The following LYPD6B variants were observed in gnomAD, a reference collection of about 807,000 sequenced individuals.
The protein encoded by LYPD6B is ly6/PLAUR domain-containing protein 6B.
A neutral mutation model predicts 22.8 loss-of-function variants in LYPD6B; 17 were observed. That is an observed-to-expected ratio of 0.75 (90% CI 0.51 to 1.12). The LOEUF is 1.12. LYPD6B is among the 50% of genes most tolerant of loss of function. LYPD6B has a pLI of 0.00. For missense variants in LYPD6B, 221 were observed against 258.3 expected (o/e 0.86, Z 0.99); for synonymous variants, 106 against 91.6 (o/e 1.16, Z -0.90).
At chr2:149,201,654 A>C (rs908436838) in intron 3 of LYPD6B, among the ~76,000 whole-genome samples, 3 of 152,206 alleles carry the variant, frequency 2.0e-5, no homozygotes, top group Non-Finnish European at 4.4e-5. Context: ...GTAGATGGTA[A>C]TAGATTAGAA....
At chr2:149,114,904 A>G (rs1323720877) in intron 1 of LYPD6B, among the ~76,000 whole-genome samples, 1 of 152,190 alleles carries the variant, frequency 6.6e-6, no homozygotes, top group Non-Finnish European at 1.5e-5. Flanking sequence ...AAGAAAGCTC[A>G]TAAAGCTGGA....
At chr2:149,117,236 A>G (rs1403431416) in intron 1 of LYPD6B, among the ~76,000 whole-genome samples, 2 of 151,370 alleles carry the variant, frequency 1.3e-5, no homozygotes, top group East Asian at 3.9e-4. Context: ...TTCATAGACA[A>G]TGTACATTTT....
chr2:149,069,535 A>T (rs1382664378), intron 1 of LYPD6B, among the ~76,000 whole-genome samples: 1 of 152,182 alleles, frequency 6.6e-6, no homozygotes, highest in East Asian at 1.9e-4. Context: ...ATTTTGGCTG[A>T]TAGCATCTTA....
chr2:149,174,379 T>C (rs10930572), intron 3 of LYPD6B, among the ~76,000 whole-genome samples: 46,974 of 152,118 alleles, frequency 0.31, 9,100 homozygotes, highest in East Asian at 0.56. Context: ...ATTTATTTCT[T>C]TCTCTTGCCT....
intron 1 of LYPD6B, among the ~76,000 whole-genome samples, chr2:149,099,076 C>T (rs1039514397): frequency 1.3e-5 from 2 of 152,110 alleles, no homozygotes; most frequent in South Asian, 2.1e-4. Flanking sequence ...GCAAAATAAA[C>T]AAGCTTTGCT....
intron 1 of LYPD6B, among the ~76,000 whole-genome samples, chr2:149,123,875 A>G (rs1379198819): frequency 6.6e-6 from 1 of 152,210 alleles, no homozygotes; most frequent in African/African-American, 2.4e-5. Context: ...ACATACATAA[A>G]TAATAATTTA....
chr2:149,205,247 C>T lies in LYPD6B; in HGVS notation c.78-6C>T. 3 of 1,600,482 alleles carry T rather than the reference C, an allele frequency of 1.9e-6. No homozygotes were observed. The highest frequency in any genetic ancestry group is 2.6e-6 in the Non-Finnish European group (3 of 1,176,118). ...GAAACTGAACCAGTGTGTCTTTTCA[C>T]CATAGATATAAGAGTTCGGACCGCC... On this transcript the variant is annotated splice_region_variant and splice_polypyrimidine_tract_variant and intron_variant, in intron 3 of 6. Transcript: ENST00000409642.
intron 1 of LYPD6B, among the ~76,000 whole-genome samples, chr2:149,043,053 C>T (rs1574861305): frequency 6.6e-6 from 1 of 152,184 alleles, no homozygotes; most frequent in Middle Eastern, 3.4e-3. Context: ...AAATAAGGGT[C>T]ATTTCTTTCA....
chr2:149,044,732 G>A (rs574774665), intron 1 of LYPD6B, among the ~76,000 whole-genome samples: 1 of 152,130 alleles, frequency 6.6e-6, no homozygotes, highest in African/African-American at 2.4e-5. Flanking sequence ...TATGATGTTA[G>A]TTGAGGTTTC....
At chr2:149,048,178 A>AT (rs1023471322) in intron 1 of LYPD6B, among the ~76,000 whole-genome samples, 24 of 151,454 alleles carry the variant, frequency 1.6e-4, no homozygotes, top group Non-Finnish European at 2.5e-4. Flanking sequence ...ATGCCCTATA[A>AT]TTTTTTTTTG....
At chr2:149,058,650 G>T (rs1683917002) in intron 1 of LYPD6B, among the ~76,000 whole-genome samples, 2 of 152,074 alleles carry the variant, frequency 1.3e-5, no homozygotes, top group African/African-American at 4.8e-5. Context: ...ATGGAGTTTT[G>T]CTCTTGTCCC....
rs1291357978 is a variant in LYPD6B at position 149,120,982 on chromosome 2, G to A, written c.-66-9901G>A. Among the ~76,000 whole-genome samples, 4 of 151,828 alleles carry A rather than the reference G, an allele frequency of 2.6e-5. No homozygotes were observed. In the South Asian group the frequency reaches 8.3e-4, roughly 32 times the overall value. On this transcript the variant is annotated intron_variant, in intron 1 of 6. Coordinates refer to ENST00000409642, the MANE Select transcript of LYPD6B (RefSeq NM_177964.5). ...AATTTTTGTATTTTCAGTAGAGACA[G>A]GGTTTCACCATGTTGGCCAGGCTGG... is the stretch of plus-strand genomic sequence containing the variant.
chr2:149,136,743 G>T (rs952217585), intron 2 of LYPD6B, among the ~76,000 whole-genome samples: 1 of 152,064 alleles, frequency 6.6e-6, no homozygotes, highest in East Asian at 1.9e-4. Flanking sequence ...TAATTATTTC[G>T]TGAAAAAAAT....
chr2:149,075,596 AT>A (rs1684844806), intron 1 of LYPD6B, among the ~76,000 whole-genome samples: 1 of 152,206 alleles, frequency 6.6e-6, no homozygotes, highest in Non-Finnish European at 1.5e-5. Context: ...AAACTCATTT[AT>A]TTTTTGTAAG....
intron 1 of LYPD6B, among the ~76,000 whole-genome samples, chr2:149,097,928 A>G (rs1291101710): frequency 6.6e-6 from 1 of 152,162 alleles, no homozygotes; most frequent in African/African-American, 2.4e-5. Context: ...GCATAGACAT[A>G]TAGTGTATTT....
chr2:149,043,007 T>C (rs1490709368), intron 1 of LYPD6B, among the ~76,000 whole-genome samples: 1 of 152,202 alleles, frequency 6.6e-6, no homozygotes, highest in Non-Finnish European at 1.5e-5. Context: ...TGGTACCAGG[T>C]CATGAGAAAT....
At chr2:149,186,579 A>T (rs1242665078) in intron 3 of LYPD6B, among the ~76,000 whole-genome samples, 4 of 152,208 alleles carry the variant, frequency 2.6e-5, no homozygotes, top group Non-Finnish European at 5.9e-5. Flanking sequence ...TGATGAAGGT[A>T]GTTACACTAA....
chr2:149,082,595 A>G (rs897475229), intron 1 of LYPD6B, among the ~76,000 whole-genome samples: 15 of 152,176 alleles, frequency 9.9e-5, no homozygotes, highest in African/African-American at 2.9e-4. Flanking sequence ...AGTGTTTTCC[A>G]TTCAGTACTT....
At position 149,205,251 on chromosome 2, in the gene LYPD6B, A is replaced by C. The variant is rs779616202; in HGVS notation, c.78-2A>C. The C allele has an allele frequency of 6.2e-7, 1 of 1,603,610 alleles. No individual in the cohort carries two copies. Among genetic ancestry groups the C allele is most frequent in the South Asian group, 1.1e-5 (1 of 88,838 alleles). On this transcript the variant is annotated splice_acceptor_variant, in intron 3 of 6. Transcript: ENST00000409642. LOFTEE classifies it high-confidence loss of function. ...CTGAACCAGTGTGTCTTTTCACCAT[A>C]GATATAAGAGTTCGGACCGCCCAGC...
Sources: allele counts gnomAD v4.1 joint callset (sites outside exome capture counted in the v4.1 genomes callset), GRCh38; gene constraint gnomAD v4.1.1; transcripts MANE v1.5; gene names NCBI Gene and HGNC (gene_info 2026-07-23, HGNC 2026-07-21).